IGSF5: variants seen among roughly 807,000 people sequenced by gnomAD.
The protein encoded by IGSF5 is immunoglobulin superfamily member 5, also known as immunoglobulin superfamily 5 like.
Under a neutral mutation model 39.4 loss-of-function variants are expected in IGSF5, and 41 were observed. That is an observed-to-expected ratio of 1.04 (90% CI 0.81 to 1.35). IGSF5 has a LOEUF of 1.35. Among genes scored for constraint, IGSF5 ranks in the 40% most tolerant of loss-of-function variants. The pLI is 0.00. For synonymous variants in IGSF5, 183 were observed against 175.3 expected (o/e 1.04, Z -0.34); for missense variants, 487 against 494.6 (o/e 0.98, Z 0.15).
intron 3 of IGSF5, among the ~76,000 whole-genome samples, chr21:39,768,842 T>C (rs1601130454): frequency 6.6e-6 from 1 of 152,316 alleles, no homozygotes; most frequent in East Asian, 1.9e-4. Flanking sequence ...AGCAAAAAGA[T>C]CTTTCAGAGC....
chr21:39,771,549 T>C (rs993603042), intron 4 of IGSF5, among the ~76,000 whole-genome samples: 2 of 152,222 alleles, frequency 1.3e-5, no homozygotes, highest in Non-Finnish European at 2.9e-5. Flanking sequence ...CTGTTTCAGT[T>C]TGATCCCACC....
chr21:39,759,557 G>A (rs4816656), intron 2 of IGSF5, among the ~76,000 whole-genome samples: 59,253 of 151,766 alleles, frequency 0.39, 11,847 homozygotes, highest in Admixed American at 0.52. Context: ...GTGTTTCTGA[G>A]ATACTTTTTC....
the IGSF5 span, among the ~76,000 whole-genome samples, chr21:39,739,249 C>T: frequency 6.7e-6 from 1 of 149,282 alleles, no homozygotes; most frequent in South Asian, 2.1e-4. Flanking sequence ...TTTTTTTCTT[C>T]TGCTTTTTTT....
intron 8 of IGSF5, among the ~76,000 whole-genome samples, chr21:39,798,313 G>T (rs1398010171): frequency 1.3e-5 from 2 of 152,194 alleles, no homozygotes; most frequent in Admixed American, 6.5e-5. Flanking sequence ...CAGCAATTCT[G>T]CTTTGCCCAG....
chr21:39,755,358 G>A (rs12483573), intron 2 of IGSF5, among the ~76,000 whole-genome samples: 72,571 of 151,536 alleles, frequency 0.48, 18,851 homozygotes, highest in South Asian at 0.69. Context: ...AGGCTGAGGC[G>A]GGCGGATCAC....
chr21:39,795,988 G>A (rs73219471), intron 8 of IGSF5, among the ~76,000 whole-genome samples: 17,036 of 152,120 alleles, frequency 0.11, 929 homozygotes, highest in Middle Eastern at 0.15. Context: ...CTAAAGAAGA[G>A]GTCTATCTTT....
chr21:39,743,495 TCTCCTC>T (rs1986042985), upstream of IGSF5, among the ~76,000 whole-genome samples: 3 of 152,356 alleles, frequency 2.0e-5, no homozygotes, highest in East Asian at 1.9e-4. Context: ...TGGGCTGAAT[TCTCCTC>T]CTCCCGCTGC....
intron 3 of IGSF5, among the ~76,000 whole-genome samples, chr21:39,768,351 C>T (rs2080096954): frequency 6.6e-6 from 1 of 152,154 alleles, no homozygotes; most frequent in African/African-American, 2.4e-5. Context: ...TATATGTCAA[C>T]AAAATAGAGA....
At chr21:39,766,385 A>G (rs993137472) in intron 3 of IGSF5, among the ~76,000 whole-genome samples, 8 of 152,168 alleles carry the variant, frequency 5.3e-5, no homozygotes, top group Non-Finnish European at 5.9e-5. Context: ...ACAGTTGTCA[A>G]TCACTGCCCT....
At chr21:39,739,230 C>G in the IGSF5 span, among the ~76,000 whole-genome samples, 1 of 151,342 alleles carries the variant, frequency 6.6e-6, no homozygotes, top group Non-Finnish European at 1.5e-5. Context: ...GAGTCCCGCC[C>G]TCTTTTTCTT....
chr21:39,758,511 A>C (rs1190103072), intron 2 of IGSF5, among the ~76,000 whole-genome samples: 1 of 152,084 alleles, frequency 6.6e-6, no homozygotes, highest in Non-Finnish European at 1.5e-5. Flanking sequence ...TCCTCCCTGA[A>C]GCCTCCTAAC....
chr21:39,759,291 G>C (rs907966538), intron 2 of IGSF5, among the ~76,000 whole-genome samples: 1 of 152,206 alleles, frequency 6.6e-6, no homozygotes, highest in African/African-American at 2.4e-5. Context: ...GTCAAAATGT[G>C]TTTGGGGATG....
At chr21:39,713,950 C>A in the IGSF5 span, among the ~76,000 whole-genome samples, 1 of 152,180 alleles carries the variant, frequency 6.6e-6, no homozygotes, top group African/African-American at 2.4e-5. Context: ...CATAGTGGAC[C>A]AACATGATGC....
At chr21:39,782,743 T>G (rs999567084) in intron 5 of IGSF5, among the ~76,000 whole-genome samples, 1 of 152,220 alleles carries the variant, frequency 6.6e-6, no homozygotes, top group African/African-American at 2.4e-5. Flanking sequence ...TTTAAAAATC[T>G]TCTCTTCCAG....
At chr21:39,722,708 A>G in the IGSF5 span, among the ~76,000 whole-genome samples, 1 of 152,168 alleles carries the variant, frequency 6.6e-6, no homozygotes, top group Non-Finnish European at 1.5e-5. Flanking sequence ...CCTTATCTGT[A>G]TGCTACCTCT....
At chr21:39,800,272 A>G (rs2087021451) in intron 8 of IGSF5, among the ~76,000 whole-genome samples, 1 of 152,108 alleles carries the variant, frequency 6.6e-6, no homozygotes, top group Non-Finnish European at 1.5e-5. Flanking sequence ...TGTTTTAGGA[A>G]ATTCTCTGTC....
chr21:39,767,041 T>A (rs1208448428), intron 3 of IGSF5, among the ~76,000 whole-genome samples: 1 of 152,218 alleles, frequency 6.6e-6, no homozygotes, highest in African/African-American at 2.4e-5. Context: ...TTTGTGTAGT[T>A]TAATTAGGGG....
the IGSF5 span, among the ~76,000 whole-genome samples, chr21:39,734,213 A>G: frequency 1.3e-5 from 2 of 152,172 alleles, no homozygotes; most frequent in African/African-American, 4.8e-5. Context: ...TCACGAGGTC[A>G]GGAGTTCGAG....
At chr21:39,791,391 G>T (rs1181240720) in intron 6 of IGSF5, among the ~76,000 whole-genome samples, 2 of 152,150 alleles carry the variant, frequency 1.3e-5, no homozygotes, top group African/African-American at 4.8e-5. Context: ...CATCCTTAGA[G>T]GTCAAGTGTG....
Sources: gnomAD v4.1 joint callset for allele counts (sites outside exome capture counted in the v4.1 genomes callset) on GRCh38, gnomAD v4.1.1 for gene constraint, MANE v1.5 for transcripts, NCBI Gene and HGNC (gene_info 2026-07-23, HGNC 2026-07-21) for gene names.